PUM1: variants seen among roughly 807,000 people sequenced by gnomAD.
PUM1 encodes pumilio homolog 1.
In PUM1, 13 loss-of-function variants were observed where a neutral mutation model predicts 131.8. The ratio of observed to expected loss-of-function variants is 0.10; its 90% CI spans 0.06 to 0.16. The LOEUF (loss-of-function observed/expected upper bound fraction) is 0.16. PUM1 is among the 10% of genes least tolerant of loss of function. The pLI, the probability that PUM1 is intolerant of heterozygous loss-of-function variation, is 1.00. For missense variants in PUM1, 961 were observed against 1,512.4 expected, an observed-to-expected ratio of 0.64 and a Z score of 6.05; for synonymous variants, 509 against 556.5, an observed-to-expected ratio of 0.91 and a Z score of 1.20.
At position 30,966,415 on chromosome 1, in the gene PUM1, T is replaced by G. The variant is rs570861999; in HGVS notation, c.1790-137A>C. On this transcript the variant is annotated intron_variant, in intron 12 of 21. Coordinates refer to ENST00000426105, the MANE Select transcript of PUM1 (RefSeq NM_001020658.2). ...AGACACAAACCATACAAATCTGTCT[T>G]TGATCCCTTCATATGAAGCTTCTAT... 34 of 842,528 alleles carry G rather than the reference T, an allele frequency of 4.0e-5. 1 individual carries two copies. The African/African-American group carries it at 5.7e-4, about 14-fold the overall frequency. The allele number at this position is 842,528 out of a possible 1,614,324, so 52.2% of individuals were successfully genotyped here.
chr1:31,063,869 C>G (rs1431597493), intron 1 of PUM1, among the ~76,000 whole-genome samples: 1 of 152,124 alleles, frequency 6.6e-6, no homozygotes, highest in African/African-American at 2.4e-5. Context: ...TCAAAGTGAG[C>G]AAATACCTAA....
chr1:30,983,217 A>G (rs1641421273), intron 7 of PUM1, among the ~76,000 whole-genome samples: 1 of 152,260 alleles, frequency 6.6e-6, no homozygotes, highest in Admixed American at 6.5e-5. Flanking sequence ...CAAGAGGGGC[A>G]GCCAGGAGTG....
chr1:30,946,250 T>C (rs112423894), intron 17 of PUM1, among the ~76,000 whole-genome samples: 1 of 151,770 alleles, frequency 6.6e-6, no homozygotes, highest in African/African-American at 2.4e-5. Context: ...TTACAGAACA[T>C]CATAGCTAAT....
intron 21 of PUM1, among the ~76,000 whole-genome samples, chr1:30,935,361 A>G (rs1404892962): frequency 6.6e-6 from 1 of 152,238 alleles, no homozygotes; most frequent in Non-Finnish European, 1.5e-5. Context: ...ACGTTATAGA[A>G]GACACCCTGC....
intron 17 of PUM1, chr1:30,949,106 T>C: frequency 2.6e-6 from 1 of 384,578 alleles, no homozygotes; most frequent in Non-Finnish European, 5.0e-6. Context: ...TCAGGGGTGG[T>C]GGGTGTCTTG....
chr1:30,938,419 ATT>A (rs1008751954), intron 20 of PUM1, among the ~76,000 whole-genome samples: 1 of 152,062 alleles, frequency 6.6e-6, no homozygotes, highest in Non-Finnish European at 1.5e-5. Context: ...CGCCCAGCTA[ATT>A]TTTGTTATTT....
At chr1:30,953,127 A>T (rs1640017969) in intron 15 of PUM1, among the ~76,000 whole-genome samples, 1 of 152,242 alleles carries the variant, frequency 6.6e-6, no homozygotes, top group South Asian at 2.1e-4. Flanking sequence ...TAGAATTCAA[A>T]TATGAGAAAT....
At chr1:30,937,088 T>A (rs557889320) in intron 20 of PUM1, among the ~76,000 whole-genome samples, 1 of 152,096 alleles carries the variant, frequency 6.6e-6, no homozygotes, top group East Asian at 1.9e-4. Context: ...ACGGGGACTA[T>A]AGAGGGTGAT....
intron 2 of PUM1, among the ~76,000 whole-genome samples, chr1:31,057,724 CAAAAAAAAAAAAA>C (rs58490041): frequency 1.4e-5 from 1 of 72,484 alleles, no homozygotes; most frequent in South Asian, 5.8e-4. Flanking sequence ...GACTCCATCT[CAAAAAAAAAAAAA>C]AAAAAAAAAA....
chr1:30,950,050 G>T (rs962982204), intron 17 of PUM1, 77 bp downstream of exon 17: 2 of 1,467,512 alleles, frequency 1.4e-6, no homozygotes, highest in Middle Eastern at 1.8e-4. Flanking sequence ...ACTGAAAATT[G>T]ACAGAATTAC....
At chr1:31,046,943 G>A (rs931405483) in intron 2 of PUM1, among the ~76,000 whole-genome samples, 9 of 152,082 alleles carry the variant, frequency 5.9e-5, no homozygotes, top group Non-Finnish European at 8.8e-5. Context: ...TGTAATCTCA[G>A]CACTTTGGAA....
At chr1:30,977,410 CA>C (rs1262503880) in intron 9 of PUM1, among the ~76,000 whole-genome samples, 2 of 152,214 alleles carry the variant, frequency 1.3e-5, no homozygotes, top group Non-Finnish European at 2.9e-5. Context: ...CAAAAGCCAA[CA>C]AAAGCGAGCC....
chr1:30,964,687 T>C lies in PUM1; in HGVS notation c.2310A>G (p.Ser770=), dbSNP rs1488602970. Residue 770 remains serine (S), a synonymous_variant, in exon 14 of 22, where the codon TCA becomes TCG. Coordinates refer to ENST00000426105, the MANE Select transcript of PUM1 (RefSeq NM_001020658.2). The stretch of plus-strand genomic sequence containing the variant: ...AATGGTTCTTACCCAGGTTTAAGCT[T>C]GAAGAGGATCCATGTGAAGAGAGGG... ...PPSLSSHGSS[S]SLNLGGLTNG... is the part of the protein sequence containing the mutation. The C allele has an allele frequency of 6.2e-7, 1 of 1,612,238 alleles. No individual in the cohort carries two copies. The highest frequency in any genetic ancestry group is 1.3e-5 in the African/African-American group (1 of 74,846).
At chr1:31,059,661 T>G (rs1169270256) in intron 1 of PUM1, 84 bp from the exon 2 acceptor site, 2 of 1,452,610 alleles carry the variant, frequency 1.4e-6, no homozygotes, top group Non-Finnish European at 1.8e-6. Context: ...GAACCCCATG[T>G]CTTTTACAAT....
At chr1:31,004,634 C>T (rs1642335844) in intron 5 of PUM1, among the ~76,000 whole-genome samples, 1 of 152,166 alleles carries the variant, frequency 6.6e-6, no homozygotes, top group Non-Finnish European at 1.5e-5. Context: ...GGTCAAAACA[C>T]TGAAAAGCAA....
intron 3 of PUM1, among the ~76,000 whole-genome samples, chr1:31,021,483 T>G (rs550285257): frequency 6.6e-6 from 1 of 152,348 alleles, no homozygotes; most frequent in African/African-American, 2.4e-5. Context: ...TACAATATAT[T>G]TAGCAGCTAT....
intron 2 of PUM1, among the ~76,000 whole-genome samples, chr1:31,048,484 T>C (rs1015434328): frequency 1.3e-4 from 19 of 150,070 alleles, no homozygotes; most frequent in Admixed American, 1.3e-3. Flanking sequence ...TTTTTTTTAT[T>C]TTTTTTTTGA....
intron 7 of PUM1, among the ~76,000 whole-genome samples, chr1:30,981,697 C>T (rs368915684): frequency 1.4e-5 from 2 of 139,312 alleles, no homozygotes; most frequent in Admixed American, 7.0e-5. Flanking sequence ...CACACACACA[C>T]ATATGAGATA....
chr1:30,958,447 C>T (rs1410804848), intron 14 of PUM1, among the ~76,000 whole-genome samples: 4 of 152,032 alleles, frequency 2.6e-5, no homozygotes, highest in Admixed American at 6.6e-5. Context: ...GCCTGGGTGT[C>T]GTCAACAAAA....
Sources: gnomAD v4.1 joint callset for allele counts (sites outside exome capture counted in the v4.1 genomes callset) on GRCh38, gnomAD v4.1.1 for gene constraint, MANE v1.5 for transcripts, NCBI Gene and HGNC (gene_info 2026-07-23, HGNC 2026-07-21) for gene names.